The following DMD variants were observed in gnomAD, a reference collection of about 807,000 sequenced individuals.
DMD encodes mutant dystrophin.
Under a neutral mutation model 330.1 loss-of-function variants are expected in DMD, and 63 were observed. The ratio of observed to expected loss-of-function variants is 0.19; its 90% CI spans 0.16 to 0.24. The LOEUF (loss-of-function observed/expected upper bound fraction) is 0.24. Among genes scored for constraint, DMD ranks in the 10% least tolerant of loss-of-function variants. The probability of loss-of-function intolerance (pLI) is 1.00; values close to 1 mark genes in which losing one functional copy is unlikely to be tolerated. For synonymous variants in DMD, 1,223 were observed against 959.8 expected (o/e 1.27, Z -5.07); for missense variants, 3,344 against 2,684.1 (o/e 1.25, Z -5.43).
chrX:31,487,990 T>G (rs921768986), intron 57 of DMD, among the ~76,000 whole-genome samples: 20 of 112,135 alleles, frequency 1.8e-4, no homozygotes, highest in African/African-American at 6.5e-4. Context: ...TGAGATTTAT[T>G]TTTCTGGAAG....
chrX:31,617,077 G>A (rs1429751212), intron 55 of DMD, among the ~76,000 whole-genome samples: 1 of 111,821 alleles, frequency 8.9e-6, no homozygotes, highest in African/African-American at 3.3e-5. Context: ...TAAGAAATGT[G>A]GGACAGACAT....
chrX:33,184,724 T>C (rs1458570893), intron 1 of DMD, among the ~76,000 whole-genome samples: 6 of 88,190 alleles, frequency 6.8e-5, no homozygotes, highest in Non-Finnish European at 1.3e-4. Flanking sequence ...TTCTTTCTTT[T>C]TTTTTTTTTT....
chrX:33,021,384 T>A (rs2093911363), intron 1 of DMD, among the ~76,000 whole-genome samples: 1 of 111,154 alleles, frequency 9.0e-6, no homozygotes, highest in Non-Finnish European at 1.9e-5. Context: ...TTTTAATTAT[T>A]GTAAATATAA....
intron 2 of DMD, among the ~76,000 whole-genome samples, chrX:32,962,813 TA>T (rs1450625227): frequency 7.1e-5 from 8 of 112,122 alleles, no homozygotes; most frequent in Non-Finnish European, 1.5e-4. Context: ...TCAGTTTCAC[TA>T]TGCTTTTGTC....
At chrX:31,672,443 A>G (rs1047080784) in intron 53 of DMD, among the ~76,000 whole-genome samples, 2 of 111,993 alleles carry the variant, frequency 1.8e-5, no homozygotes, top group Non-Finnish European at 3.8e-5. Context: ...AGTCTTTTTC[A>G]AGTGTCTATT....
intron 7 of DMD, among the ~76,000 whole-genome samples, chrX:32,793,689 A>C (rs910814102): frequency 1.8e-4 from 20 of 111,887 alleles, no homozygotes; most frequent in Non-Finnish European, 7.5e-5. Flanking sequence ...GACACATACA[A>C]CCAACCGTGG....
chrX:32,307,490 C>A (rs2097544811), intron 42 of DMD, among the ~76,000 whole-genome samples: 1 of 111,736 alleles, frequency 8.9e-6, no homozygotes, highest in Admixed American at 9.5e-5. Context: ...TTGGATCTGG[C>A]AGCTACCAGT....
intron 29 of DMD, among the ~76,000 whole-genome samples, chrX:32,427,440 C>T (rs966529940): frequency 3.6e-5 from 4 of 110,902 alleles, no homozygotes; most frequent in Non-Finnish European, 7.6e-5. Context: ...AGCCATGACA[C>T]TGCATAAAGT....
intron 63 of DMD, among the ~76,000 whole-genome samples, chrX:31,240,051 T>G (rs1295001645): frequency 9.0e-6 from 1 of 111,708 alleles, no homozygotes; most frequent in Non-Finnish European, 1.9e-5. Flanking sequence ...TTATGAAGCT[T>G]TGAATGGTTG....
At chrX:32,585,831 A>G (rs1402877920) in intron 13 of DMD, among the ~76,000 whole-genome samples, 3 of 106,593 alleles carry the variant, frequency 2.8e-5, no homozygotes, top group Non-Finnish European at 5.8e-5. Context: ...GATAATTTTT[A>G]TCATGAGAGA....
intron 2 of DMD, among the ~76,000 whole-genome samples, chrX:32,931,075 C>A (rs1241474599): frequency 9.3e-6 from 1 of 107,514 alleles, no homozygotes; most frequent in Non-Finnish European, 1.9e-5. Flanking sequence ...TGCATTTTAT[C>A]TTATTACATA....
At chrX:32,143,816 C>T (rs1378244525) in intron 44 of DMD, among the ~76,000 whole-genome samples, 1 of 109,956 alleles carries the variant, frequency 9.1e-6, no homozygotes, top group African/African-American at 3.3e-5. Flanking sequence ...TCCCAAAGTG[C>T]TGGGATTACA....
intron 44 of DMD, among the ~76,000 whole-genome samples, chrX:32,174,290 A>G (rs887103348): frequency 8.9e-6 from 1 of 112,064 alleles, no homozygotes; most frequent in Non-Finnish European, 1.9e-5. Flanking sequence ...TACATTTCTA[A>G]TTCTTCTCAT....
chrX:31,387,431 G>A (rs1351336282), intron 60 of DMD, among the ~76,000 whole-genome samples: 1 of 109,789 alleles, frequency 9.1e-6, no homozygotes, highest in East Asian at 2.9e-4. Context: ...ACAGAGTCTC[G>A]CTCTGTCACC....
At chrX:33,120,377 C>A (rs186644736) in intron 1 of DMD, among the ~76,000 whole-genome samples, 3 of 111,380 alleles carry the variant, frequency 2.7e-5, no homozygotes, top group Non-Finnish European at 3.8e-5. Context: ...TGGCTGCGTG[C>A]TTTTTTCAAG....
chrX:32,313,709 G>A (rs2097572757), intron 41 of DMD, among the ~76,000 whole-genome samples: 1 of 111,648 alleles, frequency 9.0e-6, no homozygotes, highest in Non-Finnish European at 1.9e-5. Context: ...AAAGTCTCAG[G>A]ATACAAAATC....
At chrX:33,015,662 A>T (rs952816079) in intron 2 of DMD, among the ~76,000 whole-genome samples, 1 of 111,182 alleles carries the variant, frequency 9.0e-6, no homozygotes, top group Non-Finnish European at 1.9e-5. Flanking sequence ...CCTGAACTTA[A>T]AATAAAAGTT....
intron 2 of DMD, among the ~76,000 whole-genome samples, chrX:32,928,111 C>T (rs890958475): frequency 1.8e-5 from 2 of 110,697 alleles, no homozygotes; most frequent in African/African-American, 6.6e-5. Flanking sequence ...ATATTTATAT[C>T]ATATAAAACA....
chrX:31,448,006 G>C (rs2065414601), intron 59 of DMD, among the ~76,000 whole-genome samples: 1 of 71,216 alleles, frequency 1.4e-5, no homozygotes, highest in Non-Finnish European at 2.4e-5. Flanking sequence ...GCAAGACTCT[G>C]TCTCCAAAAA....
Sources: allele counts gnomAD v4.1 joint callset (sites outside exome capture counted in the v4.1 genomes callset), GRCh38; gene constraint gnomAD v4.1.1; transcripts MANE v1.5; gene names NCBI Gene and HGNC (gene_info 2026-07-23, HGNC 2026-07-21).